The following ARHGAP26 variants were observed in gnomAD, a reference collection of about 807,000 sequenced individuals.
The protein encoded by ARHGAP26 is Rho GTPase activating protein 26, also known as rho GTPase-activating protein 26.
In ARHGAP26, 38 loss-of-function variants were observed where a neutral mutation model predicts 104.8. That is an observed-to-expected ratio of 0.36 (90% CI 0.28 to 0.48). The LOEUF (loss-of-function observed/expected upper bound fraction) is 0.48, where lower values mean the gene tolerates loss of function less well. ARHGAP26 is among the 20% of genes least tolerant of loss of function. The pLI, the probability that ARHGAP26 is intolerant of heterozygous loss-of-function variation, is 0.99. For missense variants in ARHGAP26, 704 were observed against 947.9 expected (o/e 0.74, Z 3.38); for synonymous variants, 341 against 340.0 (o/e 1.00, Z -0.03).
chr5:142,931,359 G>A (rs1764690496), intron 10 of ARHGAP26, among the ~76,000 whole-genome samples: 3 of 152,154 alleles, frequency 2.0e-5, no homozygotes, highest in Non-Finnish European at 2.9e-5. Context: ...GATGGGAACT[G>A]AACAAAACCC....
intron 14 of ARHGAP26, among the ~76,000 whole-genome samples, chr5:143,044,827 C>A (rs1294908069): frequency 6.6e-6 from 1 of 152,142 alleles, no homozygotes; most frequent in Non-Finnish European, 1.5e-5. Flanking sequence ...TGTAATAGAT[C>A]AGGCAAGGCA....
intron 19 of ARHGAP26, among the ~76,000 whole-genome samples, chr5:143,141,853 GT>G (rs1218407575): frequency 6.6e-6 from 1 of 152,192 alleles, no homozygotes; most frequent in Non-Finnish European, 1.5e-5. Flanking sequence ...CTGAAATGGT[GT>G]TTTAGGGCCA....
At chr5:143,078,909 A>G (rs1370775295) in intron 17 of ARHGAP26, among the ~76,000 whole-genome samples, 1 of 152,218 alleles carries the variant, frequency 6.6e-6, no homozygotes, top group Non-Finnish European at 1.5e-5. Flanking sequence ...CTAAACATAC[A>G]TGGCATTTTT....
intron 17 of ARHGAP26, among the ~76,000 whole-genome samples, chr5:143,082,152 C>T (rs1439364068): frequency 6.6e-6 from 1 of 151,654 alleles, no homozygotes; most frequent in Non-Finnish European, 1.5e-5. Flanking sequence ...TTTATAACTT[C>T]TGTTTAGTAT....
intron 9 of ARHGAP26, among the ~76,000 whole-genome samples, chr5:142,910,153 C>T (rs759265715): frequency 2.6e-5 from 4 of 152,164 alleles, no homozygotes; most frequent in Non-Finnish European, 4.4e-5. Flanking sequence ...TATTTTTCTG[C>T]AACCTTTTAT....
At chr5:143,014,253 T>C in intron 12 of ARHGAP26, 137 bp downstream of exon 12, 1 of 902,502 alleles carries the variant, frequency 1.1e-6, no homozygotes, top group Non-Finnish European at 1.8e-6. Context: ...CAGTGGGACA[T>C]GCCTCCACCC....
chr5:142,954,812 T>C (rs1768952611), intron 11 of ARHGAP26, among the ~76,000 whole-genome samples: 1 of 152,218 alleles, frequency 6.6e-6, no homozygotes, highest in Non-Finnish European at 1.5e-5. Context: ...AGTATCTGTC[T>C]AAGGGTTTTT....
intron 1 of ARHGAP26, among the ~76,000 whole-genome samples, chr5:142,778,075 G>A (rs559325351): frequency 1.3e-5 from 2 of 152,322 alleles, no homozygotes; most frequent in African/African-American, 4.8e-5. Flanking sequence ...ACAGATGGTG[G>A]TCAGAGGCTG....
chr5:143,120,024 C>T (rs891429395), intron 17 of ARHGAP26, among the ~76,000 whole-genome samples: 5 of 152,144 alleles, frequency 3.3e-5, no homozygotes, highest in African/African-American at 9.7e-5. Flanking sequence ...CCTATCTCTA[C>T]CCAATTTGTC....
chr5:142,934,928 T>G (rs1385295899), intron 11 of ARHGAP26, among the ~76,000 whole-genome samples: 3 of 152,234 alleles, frequency 2.0e-5, no homozygotes, highest in Non-Finnish European at 4.4e-5. Flanking sequence ...AAATTTAGTT[T>G]TAGCATTAAA....
At chr5:143,191,301 T>A (rs1297362245) in intron 20 of ARHGAP26, among the ~76,000 whole-genome samples, 1 of 152,228 alleles carries the variant, frequency 6.6e-6, no homozygotes, top group African/African-American at 2.4e-5. Flanking sequence ...ATACCAAAAT[T>A]AAGAGAGAAA....
chr5:143,075,839 C>T (rs985628285), intron 17 of ARHGAP26, among the ~76,000 whole-genome samples: 8 of 151,806 alleles, frequency 5.3e-5, no homozygotes, highest in Non-Finnish European at 8.8e-5. Flanking sequence ...GCTGGGACTA[C>T]AGGAGCACGC....
chr5:142,782,601 C>T (rs1236775706), intron 1 of ARHGAP26, among the ~76,000 whole-genome samples: 1 of 152,146 alleles, frequency 6.6e-6, no homozygotes, highest in Admixed American at 6.5e-5. Flanking sequence ...CCACATTTAG[C>T]AGGTGGGTAG....
chr5:142,779,707 C>A lies in ARHGAP26; in HGVS notation c.154+8792C>A, dbSNP rs149394406. On this transcript the variant is annotated intron_variant, in intron 1 of 22. Transcript: ENST00000645722. ...AACACTTTGAAAATATGAACTGCCT[C>A]CTCCTCTGAGACTTCAGATAGATCT... Among the ~76,000 whole-genome samples the A allele has an allele frequency of 3.0e-4, 45 of 152,272 alleles. No homozygotes were observed. The East Asian group carries it at 8.5e-3, about 29-fold the overall frequency.
At chr5:142,783,286 A>T (rs1000218398) in intron 1 of ARHGAP26, among the ~76,000 whole-genome samples, 7 of 152,198 alleles carry the variant, frequency 4.6e-5, no homozygotes, top group Non-Finnish European at 7.3e-5. Context: ...CACGCCTGGG[A>T]TCCAGTTGTT....
At chr5:142,792,332 T>G (rs1374167251) in intron 1 of ARHGAP26, among the ~76,000 whole-genome samples, 1 of 152,248 alleles carries the variant, frequency 6.6e-6, no homozygotes, top group East Asian at 1.9e-4. Context: ...CCTTCTTATT[T>G]TTTAGGCTTG....
chr5:142,771,572 A>T (rs1360413678), intron 1 of ARHGAP26, among the ~76,000 whole-genome samples: 1 of 152,204 alleles, frequency 6.6e-6, no homozygotes, highest in Non-Finnish European at 1.5e-5. Flanking sequence ...GTAGAGAATC[A>T]GAGTGTTCCT....
chr5:142,932,207 C>A, intron 11 of ARHGAP26, 82 bp downstream of exon 11: 1 of 1,331,972 alleles, frequency 7.5e-7, no homozygotes, highest in Non-Finnish European at 1.1e-6. Context: ...ATTTTTGCTG[C>A]TGTTCTAAAG....
intron 11 of ARHGAP26, among the ~76,000 whole-genome samples, chr5:142,972,274 G>A (rs1397816621): frequency 1.3e-5 from 2 of 152,012 alleles, no homozygotes; most frequent in African/African-American, 4.8e-5. Context: ...CTTTCATCAT[G>A]GGAAGGCCTG....
Sources: allele counts gnomAD v4.1 joint callset (sites outside exome capture counted in the v4.1 genomes callset), GRCh38; gene constraint gnomAD v4.1.1; transcripts MANE v1.5; gene names NCBI Gene and HGNC (gene_info 2026-07-23, HGNC 2026-07-21).